GPATCH8: variants seen among roughly 807,000 people sequenced by gnomAD.
GPATCH8 encodes G-patch domain containing 8, also known as G patch domain-containing protein 8.
GPATCH8 carries 18 observed loss-of-function variants against 118.3 expected under a neutral mutation model. The ratio of observed to expected loss-of-function variants is 0.15; its 90% CI spans 0.11 to 0.23. The LOEUF is 0.23. Ranked by LOEUF, GPATCH8 falls within the 10% of genes least tolerant of loss-of-function variation. The pLI is 1.00. For missense variants in GPATCH8, 1,631 were observed against 1,873.8 expected, an observed-to-expected ratio of 0.87 and a Z score of 2.39; for synonymous variants, 659 against 684.7, an observed-to-expected ratio of 0.96 and a Z score of 0.59.
chr17:44,472,631 T>C (rs916475607), intron 2 of GPATCH8, among the ~76,000 whole-genome samples: 36 of 152,338 alleles, frequency 2.4e-4, no homozygotes, highest in African/African-American at 8.4e-4. Context: ...AATGTGGTAC[T>C]GGGGAGCTGA....
intron 2 of GPATCH8, among the ~76,000 whole-genome samples, chr17:44,466,498 C>A (rs956767162): frequency 9.9e-5 from 15 of 152,138 alleles, no homozygotes; most frequent in African/African-American, 3.6e-4. Context: ...CTACACATCA[C>A]AAAAATATAA....
chr17:44,485,684 CAACTCACTT>C (rs1392477876), intron 1 of GPATCH8, among the ~76,000 whole-genome samples: 2 of 152,162 alleles, frequency 1.3e-5, no homozygotes, highest in African/African-American at 2.4e-5. Flanking sequence ...GCCCTAAGAC[CAACTCACTT>C]AACTCACTTT....
chr17:44,462,521 C>A (rs1206396974), intron 3 of GPATCH8, among the ~76,000 whole-genome samples: 1 of 152,086 alleles, frequency 6.6e-6, no homozygotes. Context: ...AGTTCTTGTG[C>A]CACTGGAAAA....
In GPATCH8 at chr17:44,395,854, G is replaced by C. The variant is rs1431703847; in HGVS notation, c.*1714C>G. ...GTGGGAATTGTTAACCTCATCAAAG[G>C]AGATGGGACCTGCAACACAAGCACC... On this transcript the variant is annotated 3_prime_UTR_variant, in exon 8 of 8. Transcript: ENST00000591680. 1 of 454,130 alleles carries C rather than the reference G, an allele frequency of 2.2e-6. No homozygotes were observed. The highest frequency in any genetic ancestry group is 1.6e-5 in the South Asian group (1 of 64,472). The allele number at this position is 454,130 out of a possible 1,614,324, so 28.1% of individuals were successfully genotyped here.
In GPATCH8 at chr17:44,400,944, T is replaced by C. The variant is rs1390592384; in HGVS notation, c.1133A>G (p.Lys378Arg). The C allele has an allele frequency of 6.2e-7, 1 of 1,614,174 alleles. No homozygotes were observed. Among genetic ancestry groups the C allele is most frequent in the South Asian group, 1.1e-5 (1 of 91,078 alleles). ...AGCTCCTTCTTCTCGTTTCATCCTT[T>C]TTAATTTGGATAATGTTGAGGCAAG... ...GSLASTLSKL[K>R]RMKREEGAGA... The change falls in exon 8 of 8, where the codon AAA becomes AGA. Residue 378 changes from lysine to arginine, a missense_variant. Around this residue, in one of 8 missense-constraint regions of GPATCH8, gnomAD observed 405 missense variants for 462.7 expected, o/e 0.88. Coordinates refer to ENST00000591680, the MANE Select transcript of GPATCH8 (RefSeq NM_001002909.4).
intron 6 of GPATCH8, among the ~76,000 whole-genome samples, chr17:44,414,682 A>G (rs1324709219): frequency 1.3e-5 from 2 of 152,134 alleles, no homozygotes; most frequent in Non-Finnish European, 2.9e-5. Flanking sequence ...CCACTATCTA[A>G]TTTTAGAACA....
chr17:44,425,209 A>G (rs1251405472), intron 5 of GPATCH8, among the ~76,000 whole-genome samples: 2 of 152,232 alleles, frequency 1.3e-5, no homozygotes, highest in Admixed American at 6.5e-5. Flanking sequence ...AGAAAGGGAC[A>G]GGAATGCTAA....
Position 44,424,245 on chromosome 17 carries a change from A to G in GPATCH8, c.492+104T>C, listed in dbSNP as rs570083235. On this transcript the variant is annotated intron_variant, in intron 6 of 7. Coordinates refer to ENST00000591680, the MANE Select transcript of GPATCH8 (RefSeq NM_001002909.4). ...TGACTGCAGATAAAGATTGGCAGAC[A>G]CAAGAAATCATAGACACCAAGTTTT... 5.5e-5 allele frequency: 45 copies of G among 825,328 alleles called. 1 individual carries two copies. The East Asian group carries it at 1.0e-3, about 18-fold the overall frequency. 51.1% of individuals were successfully genotyped at this position (825,328 alleles called of 1,614,324 possible).
intron 1 of GPATCH8, among the ~76,000 whole-genome samples, chr17:44,502,033 C>CTGTATTG (rs1598659286): frequency 6.6e-6 from 1 of 152,086 alleles, no homozygotes; most frequent in African/African-American, 2.4e-5. Context: ...TGAGACTCTC[C>CTGTATTG]TGTATTGTGC....
intron 7 of GPATCH8, 29 bp from the exon 8 acceptor site, chr17:44,401,482 C>CAA: frequency 6.9e-7 from 1 of 1,439,306 alleles, no homozygotes; most frequent in Non-Finnish European, 9.8e-7. Flanking sequence ...AAATAAAAAA[C>CAA]AAAAAGCAGG....
Position 44,395,992 on chromosome 17 carries a change from G to C in GPATCH8, c.*1576C>G, listed in dbSNP as rs908852611. The C allele has an allele frequency of 6.6e-6, 3 of 454,296 alleles. No individual in the cohort carries two copies. The highest frequency in any genetic ancestry group is 2.4e-5 in the Admixed American group (1 of 42,532). The allele number at this position is 454,296 out of a possible 1,614,324, so 28.1% of individuals were successfully genotyped here. A position where few individuals can be genotyped will look rare whatever the true frequency, so the allele number is the denominator to read the frequency against. On this transcript the variant is annotated 3_prime_UTR_variant, in exon 8 of 8. Transcript: ENST00000591680. ...CAGTGTCATGGGAGAAAAGAAACAA[G>C]GAACGTTTACTGTCTAAACTGAGCT... is the stretch of plus-strand genomic sequence containing the variant.
At chr17:44,414,117 G>GTA (rs3065772) in intron 6 of GPATCH8, among the ~76,000 whole-genome samples, 11 of 138,094 alleles carry the variant, frequency 8.0e-5, no homozygotes, top group Admixed American at 5.7e-4. Context: ...ATATATATAT[G>GTA]TATATATATG....
At chr17:44,445,753 A>G (rs2050856421) in intron 3 of GPATCH8, 1 of 152,066 alleles carries the variant, frequency 6.6e-6, no homozygotes, top group Non-Finnish European at 1.5e-5. Context: ...TGATCCACCC[A>G]CCTCATACTC....
intron 3 of GPATCH8, among the ~76,000 whole-genome samples, chr17:44,444,949 A>T (rs2050824722): frequency 6.6e-6 from 1 of 152,234 alleles, no homozygotes; most frequent in Non-Finnish European, 1.5e-5. Context: ...ATACTTAGTC[A>T]TCATGATGCG....
intron 3 of GPATCH8, among the ~76,000 whole-genome samples, chr17:44,449,741 G>A (rs2051044821): frequency 6.6e-6 from 1 of 151,778 alleles, no homozygotes; most frequent in African/African-American, 2.4e-5. Context: ...TTGAACCCCT[G>A]ACCTCAGGTG....
intron 3 of GPATCH8, among the ~76,000 whole-genome samples, chr17:44,442,118 TATATAGAG>T (rs1002635110): frequency 4.3e-5 from 6 of 140,908 alleles, no homozygotes; most frequent in Admixed American, 1.4e-4. Context: ...CATATATATA[TATATAGAG>T]AGAGAGAGAG....
chr17:44,436,491 C>T lies in GPATCH8; in HGVS notation c.248G>A (p.Arg83His). The T allele has an allele frequency of 1.4e-6, 2 of 1,433,000 alleles. No individual in the cohort carries two copies. The highest frequency in any genetic ancestry group is 9.9e-7 in the Non-Finnish European group (1 of 1,014,522). The allele number at this position is 1,433,000 out of a possible 1,614,324, so 88.8% of individuals were successfully genotyped here. ...VVKYDVMGMG[R>H]MEMELDYAED... ...AGATCAATTTACCTCCATTTCCATGCGACCCATGCCCATGACATCATACTT... is the reference window on the plus strand; with the variant it reads ...AGATCAATTTACCTCCATTTCCATGTGACCCATGCCCATGACATCATACTT... Residue 83 changes from arginine (R) to histidine (H), a missense_variant, in exon 4 of 8, where the codon CGC becomes CAC. This residue lies in a region of GPATCH8 where 81 missense variants were observed against 227.6 expected (regional missense o/e 0.36). Transcript: ENST00000591680.
Position 44,395,478 on chromosome 17 carries a change from C to T in GPATCH8, c.*2090G>A, listed in dbSNP as rs1423824046. On this transcript the variant is annotated 3_prime_UTR_variant, in exon 8 of 8. Transcript: ENST00000591680. ...AGGCAAAGAGGCAGCCAGAGTATGG[C>T]TCAATCTACAAGCTAATGGGAAGCA... 1 of 454,350 alleles carries T rather than the reference C, an allele frequency of 2.2e-6. No individual in the cohort carries two copies. Among genetic ancestry groups the T allele is most frequent in the African/African-American group, 2.0e-5 (1 of 49,992 alleles). The allele number at this position is 454,350 out of a possible 1,614,324, so 28.1% of individuals were successfully genotyped here.
Position 44,397,362 on chromosome 17 carries a change from G to A in GPATCH8, c.*206C>T. 1 of 687,398 alleles carries A rather than the reference G, an allele frequency of 1.5e-6. No individual in the cohort carries two copies. Among genetic ancestry groups the A allele is most frequent in the Non-Finnish European group, 2.7e-6 (1 of 376,482 alleles). 42.6% of individuals were successfully genotyped at this position (687,398 alleles called of 1,614,324 possible). On this transcript the variant is annotated 3_prime_UTR_variant, in exon 8 of 8. Coordinates refer to ENST00000591680, the MANE Select transcript of GPATCH8 (RefSeq NM_001002909.4). ...CACAGAAGAGGGAGGGACAAATTGA[G>A]AGGAGGACAGGAAAAAGAAATCCCT...
Sources: allele counts gnomAD v4.1 joint callset (sites outside exome capture counted in the v4.1 genomes callset), GRCh38; gene constraint gnomAD v4.1.1; regional missense constraint gnomAD v4.1.1; transcripts MANE v1.5; gene names NCBI Gene and HGNC (gene_info 2026-07-23, HGNC 2026-07-21).